The following TPO variants were observed in gnomAD, a reference collection of about 807,000 sequenced individuals.
TPO encodes thyroid peroxidase.
TPO carries 78 observed loss-of-function variants against 96.9 expected under a neutral mutation model. The ratio of observed to expected loss-of-function variants is 0.81; its 90% CI spans 0.67 to 0.97. The LOEUF (loss-of-function observed/expected upper bound fraction) is 0.97, where lower values mean the gene tolerates loss of function less well. Among genes scored for constraint, TPO ranks in the 50% least tolerant of loss-of-function variants. The probability of loss-of-function intolerance (pLI) is 0.00; values close to 1 mark genes in which losing one functional copy is unlikely to be tolerated. For synonymous variants in TPO, 547 were observed against 538.0 expected, an observed-to-expected ratio of 1.02 and a Z score of -0.23; for missense variants, 1,252 against 1,274.8, an observed-to-expected ratio of 0.98 and a Z score of 0.27.
chr2:1,385,928 G>C lies in TPO; in HGVS notation n.180+11526G>C, dbSNP rs556834609. 7.9e-5 allele frequency among the ~76,000 whole-genome samples: 12 copies of C among 151,992 alleles called. No homozygotes were observed. In the East Asian group the frequency reaches 9.7e-4, roughly 12 times the overall value. On this transcript the variant is annotated intron_variant and non_coding_transcript_variant, in intron 1 of 5. Coordinates refer to the TPO transcript ENST00000497517. Reference sequence around the variant, plus strand: ...GGTATGTTGTGTCTTTGTTCTCGTTGGTTTCAAAGAACATCTTTATTTCTG... The same window carrying C: ...GGTATGTTGTGTCTTTGTTCTCGTTCGTTTCAAAGAACATCTTTATTTCTG...
At chr2:1,448,721 G>T (rs13410529) in intron 5 of TPO, among the ~76,000 whole-genome samples, 15 of 152,122 alleles carry the variant, frequency 9.9e-5, no homozygotes, top group African/African-American at 3.4e-4. Context: ...ATTGATTGAC[G>T]TGGGAATATC....
chr2:1,396,097 C>T (rs541947646), intron 1 of TPO, among the ~76,000 whole-genome samples: 81 of 152,348 alleles, frequency 5.3e-4, no homozygotes, highest in African/African-American at 1.9e-3. Flanking sequence ...TGGAAGCTCA[C>T]GTGGGAAGAG....
intron 5 of TPO, chr2:1,438,943 C>T: frequency 2.9e-6 from 2 of 695,148 alleles, no homozygotes. Flanking sequence ...ATGACGTCTA[C>T]ATCCACCTGC....
chr2:1,437,449 C>T (rs536943638), intron 5 of TPO, among the ~76,000 whole-genome samples: 2 of 36,736 alleles, frequency 5.4e-5, no homozygotes, highest in East Asian at 1.3e-3. Context: ...AGGAAGATGC[C>T]CCCCCCGAGA....
intron 15 of TPO, 43 bp from the exon 16 acceptor site, chr2:1,540,551 G>A: frequency 6.2e-7 from 1 of 1,609,124 alleles, no homozygotes. Flanking sequence ...CACAGTCACG[G>A]TGCCGGACCC....
At chr2:1,525,633 C>T (rs1431168867) in intron 15 of TPO, among the ~76,000 whole-genome samples, 1 of 60,040 alleles carries the variant, frequency 1.7e-5, no homozygotes. Flanking sequence ...CTCCTCAAAT[C>T]CCCCCAATGT....
intron 14 of TPO, among the ~76,000 whole-genome samples, chr2:1,507,927 T>C (rs1356438511): frequency 6.6e-6 from 1 of 152,194 alleles, no homozygotes; most frequent in Non-Finnish European, 1.5e-5. Flanking sequence ...CTATGTTGAA[T>C]AGGAGTGGTG....
At chr2:1,436,716 G>A (rs918429368) in intron 5 of TPO, among the ~76,000 whole-genome samples, 16 of 152,206 alleles carry the variant, frequency 1.1e-4, no homozygotes, top group Admixed American at 5.9e-4. Flanking sequence ...CGCTAGCTCC[G>A]CTACCCATTG....
chr2:1,485,773 T>C (rs767264515), intron 9 of TPO, among the ~76,000 whole-genome samples: 1 of 152,180 alleles, frequency 6.6e-6, no homozygotes, highest in East Asian at 1.9e-4. Context: ...CCTTGTAAAT[T>C]GGTTTGCATT....
chr2:1,422,397 C>CCGACCT (rs1663841118), intron 2 of TPO, among the ~76,000 whole-genome samples: 1 of 54,860 alleles, frequency 1.8e-5, no homozygotes, highest in African/African-American at 1.0e-4. Flanking sequence ...CCGCGCTGGG[C>CCGACCT]CATGGGGAGA....
intron 5 of TPO, among the ~76,000 whole-genome samples, chr2:1,451,166 G>A (rs551464228): frequency 5.3e-5 from 8 of 152,242 alleles, no homozygotes; most frequent in African/African-American, 1.2e-4. Context: ...ACGGAGCTGC[G>A]TGGTGGCCTT....
intron 7 of TPO, among the ~76,000 whole-genome samples, chr2:1,475,286 C>T (rs1238548924): frequency 6.6e-6 from 1 of 152,132 alleles, no homozygotes; most frequent in East Asian, 1.9e-4. Flanking sequence ...TTCCGGCTGT[C>T]ACGGTTTTCT....
upstream of TPO, among the ~76,000 whole-genome samples, chr2:1,412,356 C>T (rs1311716623): frequency 6.6e-6 from 1 of 152,194 alleles, no homozygotes; most frequent in Non-Finnish European, 1.5e-5. Context: ...TAATGAGCCA[C>T]CGAGTCTGGT....
intron 1 of TPO, among the ~76,000 whole-genome samples, chr2:1,380,077 T>C (rs1661783816): frequency 6.6e-6 from 1 of 152,176 alleles, no homozygotes; most frequent in Non-Finnish European, 1.5e-5. Flanking sequence ...TTGATAACCC[T>C]GAAACACAAT....
intron 14 of TPO, among the ~76,000 whole-genome samples, chr2:1,505,501 A>AT (rs1673340206): frequency 2.3e-5 from 1 of 42,754 alleles, no homozygotes; most frequent in Admixed American, 2.9e-4. Context: ...TGTCAGGCAC[A>AT]CCCCCACCAC....
chr2:1,389,875 G>C (rs1439781498), intron 1 of TPO, among the ~76,000 whole-genome samples: 1 of 152,126 alleles, frequency 6.6e-6, no homozygotes, highest in East Asian at 1.9e-4. Context: ...GAGCAACCAG[G>C]ACACTTAGAT....
intron 7 of TPO, among the ~76,000 whole-genome samples, chr2:1,472,575 C>T (rs28910586): frequency 0.036 from 5,551 of 152,254 alleles, 153 homozygotes; most frequent in East Asian, 0.12. Context: ...TCCCTGCTTA[C>T]GGCTGGACTG....
At chr2:1,495,884 C>A in intron 11 of TPO, 105 bp from the exon 12 acceptor site, 3 of 1,323,806 alleles carry the variant, frequency 2.3e-6, no homozygotes, top group Non-Finnish European at 3.2e-6. Flanking sequence ...GGGCAGACGC[C>A]GCAGGAGAGG....
At chr2:1,435,761 C>T (rs1220998234) in intron 4 of TPO, among the ~76,000 whole-genome samples, 6 of 152,082 alleles carry the variant, frequency 3.9e-5, no homozygotes, top group South Asian at 2.1e-4. Context: ...AAAGGAAAAA[C>T]GAAAGGTTTT....
Sources: allele counts gnomAD v4.1 joint callset (sites outside exome capture counted in the v4.1 genomes callset), GRCh38; gene constraint gnomAD v4.1.1; transcripts MANE v1.5; gene names NCBI Gene and HGNC (gene_info 2026-07-23, HGNC 2026-07-21).